NIBAN1: variants seen among roughly 807,000 people sequenced by gnomAD.
NIBAN1 encodes the protein niban apoptosis regulator 1, also known as protein Niban 1.
Under a neutral mutation model 75.1 loss-of-function variants are expected in NIBAN1, and 81 were observed. That is an observed-to-expected ratio of 1.08 (90% CI 0.90 to 1.30). The LOEUF (loss-of-function observed/expected upper bound fraction) is 1.30, where lower values mean the gene tolerates loss of function less well. NIBAN1 is among the 50% of genes most tolerant of loss of function. The pLI is 0.00. For missense variants in NIBAN1, 1,133 were observed against 1,128.1 expected (o/e 1.00, Z -0.06); for synonymous variants, 436 against 424.8 (o/e 1.03, Z -0.32).
intron 1 of NIBAN1, among the ~76,000 whole-genome samples, chr1:184,970,839 G>T (rs1658916653): frequency 6.6e-6 from 1 of 152,070 alleles, no homozygotes; most frequent in Non-Finnish European, 1.5e-5. Flanking sequence ...TTTCAGGTTT[G>T]CTTTCTTTTT....
chr1:184,894,933 G>A (rs1656761559), intron 2 of NIBAN1, among the ~76,000 whole-genome samples: 2 of 152,102 alleles, frequency 1.3e-5, no homozygotes, highest in Non-Finnish European at 2.9e-5. Context: ...CGGCTTCATT[G>A]TGTAATTTTC....
At chr1:184,809,493 T>C (rs1654303942) in intron 9 of NIBAN1, among the ~76,000 whole-genome samples, 1 of 151,972 alleles carries the variant, frequency 6.6e-6, no homozygotes. Flanking sequence ...TTTAAATCCT[T>C]TTTTTTGAAA....
chr1:184,858,131 TATA>T (rs1655725697), intron 5 of NIBAN1, among the ~76,000 whole-genome samples: 2 of 152,070 alleles, frequency 1.3e-5, no homozygotes, highest in South Asian at 4.2e-4. Flanking sequence ...ATAATTAGTT[TATA>T]ATAACACATG....
chr1:184,896,091 T>C (rs1374318308), intron 2 of NIBAN1, among the ~76,000 whole-genome samples: 5 of 152,362 alleles, frequency 3.3e-5, no homozygotes, highest in Middle Eastern at 6.8e-3. Context: ...GTAGGATTGC[T>C]GAGTCGAATG....
intron 1 of NIBAN1, among the ~76,000 whole-genome samples, chr1:184,960,744 T>C (rs553275065): frequency 9.6e-4 from 146 of 152,262 alleles, no homozygotes; most frequent in African/African-American, 3.4e-3. Context: ...TTCTCCTGTC[T>C]CAGCCTCCAA....
At chr1:184,845,143 A>T (rs369112945) in intron 5 of NIBAN1, among the ~76,000 whole-genome samples, 1 of 152,228 alleles carries the variant, frequency 6.6e-6, no homozygotes, top group African/African-American at 2.4e-5. Context: ...GCATTTTCCC[A>T]TTGGGGTGGC....
intron 1 of NIBAN1, among the ~76,000 whole-genome samples, chr1:184,939,715 A>G (rs1658043513): frequency 6.6e-6 from 1 of 152,316 alleles, no homozygotes; most frequent in Middle Eastern, 3.4e-3. Context: ...AAATGGAGAT[A>G]CTGATACCTA....
Position 184,795,520 on chromosome 1 carries a change from C to T in NIBAN1, c.2244G>A (p.Glu748=). The T allele has an allele frequency of 6.2e-7, 1 of 1,612,988 alleles. No individual in the cohort carries two copies. Among genetic ancestry groups the T allele is most frequent in the Middle Eastern group, 1.7e-4 (1 of 6,050 alleles). The part of the protein sequence containing the change: ...SHVPQENEEE[E]EKEPSQAAAI... ...CAGCTGCCTGACTGGGCTCTTTTTC[C>T]TCTTCTTCTTCATTTTCTTGGGGAA... Residue 748 remains glutamate (E), a synonymous_variant, in exon 14 of 14, where the codon GAG becomes GAA. Transcript: ENST00000367511.
In NIBAN1 at chr1:184,941,879, G is replaced by A. The variant is rs556574903; in HGVS notation, c.55+32423C>T. On this transcript the variant is annotated intron_variant, in intron 1 of 13. Transcript: ENST00000367511. ...TATTCTCAGAGATGCAGCTACAACC[G>A]GGGTTCAGTAGCAGATCAGCTGCTC... Among the ~76,000 whole-genome samples, 14 of 152,248 alleles carry A rather than the reference G, an allele frequency of 9.2e-5. No homozygotes were observed. In the East Asian group the frequency reaches 2.7e-3, roughly 29 times the overall value.
At chr1:184,806,876 C>G (rs1261247430) in intron 10 of NIBAN1, among the ~76,000 whole-genome samples, 1 of 150,198 alleles carries the variant, frequency 6.7e-6, no homozygotes, top group Non-Finnish European at 1.5e-5. Flanking sequence ...TCAAGCGAGT[C>G]TCGTGCTTCA....
intron 5 of NIBAN1, among the ~76,000 whole-genome samples, chr1:184,844,134 G>T (rs994248983): frequency 2.0e-5 from 3 of 152,198 alleles, no homozygotes; most frequent in Non-Finnish European, 4.4e-5. Context: ...ATTTATCACT[G>T]TAGCACATAA....
intron 5 of NIBAN1, among the ~76,000 whole-genome samples, chr1:184,875,489 C>A (rs1269601356): frequency 6.6e-6 from 1 of 152,136 alleles, no homozygotes; most frequent in Non-Finnish European, 1.5e-5. Context: ...TCCAGAGGGA[C>A]GCTCATGTAT....
chr1:184,885,060 C>T (rs903555096), intron 4 of NIBAN1, among the ~76,000 whole-genome samples: 3 of 152,092 alleles, frequency 2.0e-5, no homozygotes, highest in Admixed American at 1.3e-4. Context: ...AATTTTTTCT[C>T]TTTTTTGAGA....
chr1:184,862,834 C>CT (rs71101949), intron 5 of NIBAN1, among the ~76,000 whole-genome samples: 84,516 of 148,332 alleles, frequency 0.57, 24,451 homozygotes, highest in African/African-American at 0.72. Flanking sequence ...TTTTTCTTTT[C>CT]TTTTTTTTTT....
intron 1 of NIBAN1, among the ~76,000 whole-genome samples, chr1:184,928,073 A>T (rs111821022): frequency 0.019 from 2,943 of 152,224 alleles, 51 homozygotes; most frequent in South Asian, 0.046. Flanking sequence ...TGATGAATCC[A>T]GCCAGAACTG....
chr1:184,928,115 C>T (rs942614948), intron 1 of NIBAN1, among the ~76,000 whole-genome samples: 6 of 152,176 alleles, frequency 3.9e-5, no homozygotes, highest in Non-Finnish European at 7.3e-5. Context: ...AAGTTCCCTT[C>T]TGGCACAGGG....
intron 5 of NIBAN1, chr1:184,868,044 G>A: frequency 2.0e-6 from 2 of 985,434 alleles, no homozygotes; most frequent in South Asian, 9.4e-5. Flanking sequence ...GCCATGCCCT[G>A]ATCTCCCACC....
chr1:184,821,670 A>G (rs1654706985), intron 8 of NIBAN1, among the ~76,000 whole-genome samples: 1 of 152,228 alleles, frequency 6.6e-6, no homozygotes, highest in African/African-American at 2.4e-5. Context: ...GGCCCAACTT[A>G]GCTCCAGATA....
intron 1 of NIBAN1, among the ~76,000 whole-genome samples, chr1:184,939,603 C>A (rs1658040899): frequency 6.6e-6 from 1 of 152,218 alleles, no homozygotes; most frequent in Non-Finnish European, 1.5e-5. Context: ...TCACTTAAAG[C>A]CCCTGGATTG....
Sources: allele counts gnomAD v4.1 joint callset (sites outside exome capture counted in the v4.1 genomes callset), GRCh38; gene constraint gnomAD v4.1.1; transcripts MANE v1.5; gene names NCBI Gene and HGNC (gene_info 2026-07-23, HGNC 2026-07-21).